CX3CR1: variants seen among roughly 807,000 people sequenced by gnomAD.
The protein encoded by CX3CR1 is C-X3-C motif chemokine receptor 1, also known as CX3C chemokine receptor 1.
For missense variants in CX3CR1, 363 were observed against 432.4 expected, an observed-to-expected ratio of 0.84 and a Z score of 1.42; for synonymous variants, 168 against 178.5, an observed-to-expected ratio of 0.94 and a Z score of 0.47.
In CX3CR1 at chr3:39,265,214, T is replaced by C. The variant is rs1005862597; in HGVS notation, c.*228A>G. The C allele has an allele frequency of 2.3e-5, 11 of 478,748 alleles. No homozygotes were observed. Among genetic ancestry groups the C allele is most frequent in the African/African-American group, 2.0e-4 (10 of 51,126 alleles). 29.7% of individuals were successfully genotyped at this position (478,748 alleles called of 1,614,324 possible). On this transcript the variant is annotated 3_prime_UTR_variant, in exon 2 of 2. Transcript: ENST00000399220. Reference sequence around the variant, plus strand: ...TCATCTGCAAACCAAAAAGTTCTGATGACATTTGCAGTAAGAGAAATGTCT... The same window carrying C: ...TCATCTGCAAACCAAAAAGTTCTGACGACATTTGCAGTAAGAGAAATGTCT...
At chr3:39,273,698 G>C (rs747008982) in intron 1 of CX3CR1, among the ~76,000 whole-genome samples, 7 of 152,202 alleles carry the variant, frequency 4.6e-5, no homozygotes, top group African/African-American at 9.6e-5. Flanking sequence ...GAGTGCAGTG[G>C]CATGATCATA....
chr3:39,282,596 C>T (rs1404183921), upstream of CX3CR1, among the ~76,000 whole-genome samples: 2 of 151,912 alleles, frequency 1.3e-5, no homozygotes, highest in Non-Finnish European at 2.9e-5. Flanking sequence ...GATGGGTGTC[C>T]CCACCCATCA....
rs1181989269 is a variant in CX3CR1 at position 39,265,620 on chromosome 3, C to T, written c.890G>A (p.Gly297Glu). The T allele has an allele frequency of 1.9e-6, 3 of 1,614,070 alleles. No homozygotes were observed. Among genetic ancestry groups the T allele is most frequent in the African/African-American group, 1.3e-5 (1 of 74,930 alleles). The change falls in exon 2 of 2, where the codon GGG (glycine) becomes GAG (glutamate). Residue 297 changes from glycine (G) to glutamate (E), a missense_variant. Physicochemically the swap from Gly to Glu is moderately conservative, Grantham distance 98. Transcript: ENST00000399220. ...CLNPLIYAFA[G>E]EKFRRYLYHL... The stretch of plus-strand genomic sequence containing the variant: ...GTAAAGGTATCTTCTGAACTTCTCC[C>T]CAGCAAATGCATAGATGAGAGGATT...
At chr3:39,273,426 T>C (rs1436293112) in intron 1 of CX3CR1, among the ~76,000 whole-genome samples, 1 of 152,252 alleles carries the variant, frequency 6.6e-6, no homozygotes, top group African/African-American at 2.4e-5. Context: ...AGGTTTAGCC[T>C]ATTTTCTGCC....
the CX3CR1 span, among the ~76,000 whole-genome samples, chr3:39,288,240 A>C: frequency 6.6e-6 from 1 of 152,142 alleles, no homozygotes; most frequent in African/African-American, 2.4e-5. Flanking sequence ...TATGTGTCAC[A>C]CTTTTGTACA....
chr3:39,282,862 C>T (rs996491728), upstream of CX3CR1, among the ~76,000 whole-genome samples: 1 of 152,114 alleles, frequency 6.6e-6, no homozygotes, highest in African/African-American at 2.4e-5. Context: ...TGTAGTGCCC[C>T]CAGTGACCCT....
At chr3:39,284,441 C>T (rs1434473442), upstream of CX3CR1, among the ~76,000 whole-genome samples, 5 of 152,154 alleles carry the variant, frequency 3.3e-5, no homozygotes, top group African/African-American at 7.2e-5. Context: ...GGATTACAGG[C>T]GTGAGCCACT....
chr3:39,279,366 T>C (rs1403738095), intron 1 of CX3CR1, among the ~76,000 whole-genome samples: 1 of 152,126 alleles, frequency 6.6e-6, no homozygotes, highest in African/African-American at 2.4e-5. Context: ...TGCATTTATA[T>C]TTATATTAAA....
At chr3:39,277,347 A>C (rs1036557235) in intron 1 of CX3CR1, among the ~76,000 whole-genome samples, 7 of 152,324 alleles carry the variant, frequency 4.6e-5, no homozygotes, top group African/African-American at 1.7e-4. Context: ...TCTTCTGGGC[A>C]GAGTGAGTGA....
At chr3:39,281,836 C>A, upstream of CX3CR1, 1 of 654,922 alleles carries the variant, frequency 1.5e-6, no homozygotes, top group Admixed American at 2.5e-5. Flanking sequence ...CTGTCCTGTC[C>A]AGGACGTGAT....
At chr3:39,281,377 C>A, upstream of CX3CR1, 1 of 776,726 alleles carries the variant, frequency 1.3e-6, no homozygotes, top group Non-Finnish European at 1.9e-6. Flanking sequence ...CTGGCTGCCT[C>A]AGCCCCTTCC....
upstream of CX3CR1, chr3:39,281,315 T>G: frequency 1.2e-6 from 1 of 833,800 alleles, no homozygotes; most frequent in Non-Finnish European, 1.4e-6. Context: ...CACTGGCCCC[T>G]CCCCACCCCA....
chr3:39,272,993 C>T (rs2040796370), intron 1 of CX3CR1, among the ~76,000 whole-genome samples: 1 of 152,194 alleles, frequency 6.6e-6, no homozygotes, highest in African/African-American at 2.4e-5. Context: ...CAGCAGAGGC[C>T]CAGAGATTTG....
chr3:39,270,824 A>G (rs1052296615), intron 1 of CX3CR1, among the ~76,000 whole-genome samples: 1 of 152,264 alleles, frequency 6.6e-6, no homozygotes, highest in Non-Finnish European at 1.5e-5. Context: ...GAATTTTAAA[A>G]TAAAAATCAA....
At chr3:39,276,501 T>G (rs991576073) in intron 1 of CX3CR1, among the ~76,000 whole-genome samples, 2 of 152,232 alleles carry the variant, frequency 1.3e-5, no homozygotes, top group African/African-American at 4.8e-5. Context: ...CAATTGTGCC[T>G]TTATCTCTAA....
At chr3:39,271,979 C>T (rs2040783530) in intron 1 of CX3CR1, among the ~76,000 whole-genome samples, 1 of 152,184 alleles carries the variant, frequency 6.6e-6, no homozygotes, top group African/African-American at 2.4e-5. Flanking sequence ...GGTCAAAGGC[C>T]TGCCAGAGGT....
the CX3CR1 span, among the ~76,000 whole-genome samples, chr3:39,291,842 T>G: frequency 3.9e-5 from 6 of 152,188 alleles, no homozygotes; most frequent in Non-Finnish European, 8.8e-5. Context: ...ACATGCAGTG[T>G]TTGGCCTTGG....
intron 1 of CX3CR1, among the ~76,000 whole-genome samples, chr3:39,274,481 C>CAAA (rs10663570): frequency 0.23 from 20,542 of 87,782 alleles, 2,994 homozygotes; most frequent in South Asian, 0.29. Flanking sequence ...CAACCACCAC[C>CAAA]AAAAAAAAAA....
chr3:39,285,135 A>G (rs1332544598), upstream of CX3CR1, among the ~76,000 whole-genome samples: 2 of 150,494 alleles, frequency 1.3e-5, no homozygotes, highest in Non-Finnish European at 3.0e-5. Context: ...GCACCTTGGG[A>G]GGCCAAAGTG....
Sources: allele counts gnomAD v4.1 joint callset (sites outside exome capture counted in the v4.1 genomes callset), GRCh38; gene constraint gnomAD v4.1.1; transcripts MANE v1.5; gene names NCBI Gene and HGNC (gene_info 2026-07-23, HGNC 2026-07-21).